Variants in KLHL29 observed in about 807,000 individuals in gnomAD.
The protein encoded by KLHL29 is kelch like family member 29.
Under a neutral mutation model 80.4 loss-of-function variants are expected in KLHL29, and 21 were observed. The observed-to-expected ratio is 0.26, with a 90% CI of 0.19 to 0.38. The LOEUF is 0.38. KLHL29 is among the 10% of genes least tolerant of loss of function. KLHL29 has a pLI of 1.00. For missense variants in KLHL29, 867 were observed against 1,223.9 expected, an observed-to-expected ratio of 0.71 and a Z score of 4.35; for synonymous variants, 511 against 526.8, an observed-to-expected ratio of 0.97 and a Z score of 0.41.
chr2:23,479,305 A>G (rs967026197), intron 2 of KLHL29, among the ~76,000 whole-genome samples: 1 of 151,838 alleles, frequency 6.6e-6, no homozygotes, highest in African/African-American at 2.4e-5. Context: ...CTACACAGGC[A>G]TCATTTGGGA....
chr2:23,674,748 G>A (rs971188926), intron 5 of KLHL29, among the ~76,000 whole-genome samples: 1 of 125,180 alleles, frequency 8.0e-6, no homozygotes, highest in Non-Finnish European at 1.6e-5. Flanking sequence ...GGCCAGACTC[G>A]AGTCTCTCTT....
chr2:23,575,255 G>A (rs1203488980), intron 3 of KLHL29, among the ~76,000 whole-genome samples: 1 of 152,234 alleles, frequency 6.6e-6, no homozygotes, highest in African/African-American at 2.4e-5. Context: ...GAGCGGAGCC[G>A]AAGGTGAGGC....
chr2:23,659,899 G>A (rs1325652720), intron 5 of KLHL29, among the ~76,000 whole-genome samples: 2 of 151,846 alleles, frequency 1.3e-5, no homozygotes, highest in East Asian at 3.9e-4. Flanking sequence ...TCTTCCTAAC[G>A]CACCACCTGG....
chr2:23,706,800 T>C lies in KLHL29; in HGVS notation c.*136T>C. 1 of 607,244 alleles carries C rather than the reference T, an allele frequency of 1.6e-6. No homozygotes were observed. Among genetic ancestry groups the C allele is most frequent in the East Asian group, 3.1e-5 (1 of 32,446 alleles). The allele number at this position is 607,244 out of a possible 1,614,324, so 37.6% of individuals were successfully genotyped here. A position where few individuals can be genotyped will look rare whatever the true frequency, so the allele number is the denominator to read the frequency against. On this transcript the variant is annotated 3_prime_UTR_variant, in exon 14 of 14. Transcript: ENST00000486442. Reference sequence around the variant, plus strand: ...AACTCACTGCGCTCAACATGTTGAATATTCTCTACATTGAATGTAGAAAAT... The same window carrying C: ...AACTCACTGCGCTCAACATGTTGAACATTCTCTACATTGAATGTAGAAAAT...
intron 2 of KLHL29, among the ~76,000 whole-genome samples, chr2:23,493,743 G>A (rs1200148069): frequency 2.0e-5 from 3 of 152,100 alleles, no homozygotes; most frequent in Admixed American, 2.0e-4. Flanking sequence ...ACTTGAACAA[G>A]TACATTGTTT....
chr2:23,579,861 C>G (rs957346953), intron 3 of KLHL29, among the ~76,000 whole-genome samples: 6 of 152,172 alleles, frequency 3.9e-5, no homozygotes, highest in African/African-American at 1.2e-4. Flanking sequence ...AGCTGCATGC[C>G]CCAACCCTGA....
At chr2:23,518,571 C>T (rs1666007857) in intron 2 of KLHL29, among the ~76,000 whole-genome samples, 1 of 152,176 alleles carries the variant, frequency 6.6e-6, no homozygotes, top group Non-Finnish European at 1.5e-5. Flanking sequence ...CAGCTGTCCC[C>T]TCCGGGAAGG....
intron 2 of KLHL29, among the ~76,000 whole-genome samples, chr2:23,517,147 C>T (rs1439156723): frequency 2.0e-5 from 3 of 152,226 alleles, no homozygotes; most frequent in African/African-American, 4.8e-5. Flanking sequence ...GGCAGAGGCG[C>T]GTCCTCTCTC....
At chr2:23,424,932 C>A (rs997127511) in intron 1 of KLHL29, among the ~76,000 whole-genome samples, 2 of 152,166 alleles carry the variant, frequency 1.3e-5, no homozygotes, top group African/African-American at 4.8e-5. Flanking sequence ...AAAGCTGATG[C>A]ACATAATTAA....
At chr2:23,416,763 C>T (rs186098564) in intron 1 of KLHL29, among the ~76,000 whole-genome samples, 6 of 152,274 alleles carry the variant, frequency 3.9e-5, no homozygotes, top group Admixed American at 2.6e-4. Context: ...CCTTTTTCTG[C>T]CCCTCCTGGG....
At chr2:23,462,947 C>T (rs1406439837) in intron 1 of KLHL29, among the ~76,000 whole-genome samples, 1 of 151,994 alleles carries the variant, frequency 6.6e-6, no homozygotes, top group East Asian at 1.9e-4. Context: ...GCAGCCTGGG[C>T]AACATAGCAA....
chr2:23,440,792 C>T (rs1389250534), intron 1 of KLHL29, among the ~76,000 whole-genome samples: 1 of 152,164 alleles, frequency 6.6e-6, no homozygotes, highest in Non-Finnish European at 1.5e-5. Context: ...CCATCTCACA[C>T]CAGTTGGAAT....
intron 3 of KLHL29, among the ~76,000 whole-genome samples, chr2:23,627,106 C>A (rs1467824619): frequency 6.6e-6 from 1 of 152,202 alleles, no homozygotes; most frequent in African/African-American, 2.4e-5. Context: ...AGGGCTGTTT[C>A]TGTGTCCCCT....
chr2:23,545,936 A>T (rs986918113), intron 2 of KLHL29, among the ~76,000 whole-genome samples: 1 of 152,188 alleles, frequency 6.6e-6, no homozygotes, highest in African/African-American at 2.4e-5. Flanking sequence ...GTTGAGCCCC[A>T]GACAGTGGGT....
chr2:23,494,320 G>A (rs1386441505), intron 2 of KLHL29, among the ~76,000 whole-genome samples: 1 of 152,186 alleles, frequency 6.6e-6, no homozygotes, highest in Non-Finnish European at 1.5e-5. Context: ...TCCACGTTTT[G>A]TAGAAGCAAA....
chr2:23,409,995 G>A (rs576710093), intron 1 of KLHL29, among the ~76,000 whole-genome samples: 1 of 152,324 alleles, frequency 6.6e-6, no homozygotes, highest in East Asian at 1.9e-4. Flanking sequence ...AGAGAGTATG[G>A]TGCCTTCAAG....
intron 3 of KLHL29, among the ~76,000 whole-genome samples, chr2:23,565,869 C>T (rs1667577827): frequency 6.6e-6 from 1 of 152,234 alleles, no homozygotes; most frequent in Admixed American, 6.5e-5. Context: ...AGTGTCAGTA[C>T]TGTGAGGCCT....
At chr2:23,641,466 G>T (rs1441319389) in intron 4 of KLHL29, among the ~76,000 whole-genome samples, 38 of 152,178 alleles carry the variant, frequency 2.5e-4, no homozygotes, top group African/African-American at 9.2e-4. Context: ...TGAGGGCCCA[G>T]TGAACACCCC....
At chr2:23,411,321 G>A (rs1049297935) in intron 1 of KLHL29, among the ~76,000 whole-genome samples, 3 of 151,810 alleles carry the variant, frequency 2.0e-5, no homozygotes, top group African/African-American at 7.3e-5. Flanking sequence ...AGGAAGTGTT[G>A]TGGGAATGTG....
Sources: allele counts gnomAD v4.1 joint callset (sites outside exome capture counted in the v4.1 genomes callset), GRCh38; gene constraint gnomAD v4.1.1; transcripts MANE v1.5; gene names NCBI Gene and HGNC (gene_info 2026-07-23, HGNC 2026-07-21).